The following ACOT11 variants were observed in gnomAD, a reference collection of about 807,000 sequenced individuals.
ACOT11 encodes acyl-CoA thioesterase 11.
In ACOT11, 69 loss-of-function variants were observed where a neutral mutation model predicts 77.5. The ratio of observed to expected loss-of-function variants is 0.89; its 90% CI spans 0.73 to 1.09. The LOEUF (loss-of-function observed/expected upper bound fraction) is 1.09. ACOT11 is among the 50% of genes least tolerant of loss of function. ACOT11 has a pLI of 0.00. For synonymous variants in ACOT11, 279 were observed against 313.0 expected (o/e 0.89, Z 1.15); for missense variants, 766 against 813.7 (o/e 0.94, Z 0.71).
chr1:54,551,570 C>A (rs1653067986), intron 1 of ACOT11, among the ~76,000 whole-genome samples: 1 of 152,158 alleles, frequency 6.6e-6, no homozygotes, highest in Non-Finnish European at 1.5e-5. Context: ...CCCACTGGTG[C>A]CCTCGTAGGA....
intron 6 of ACOT11, 47 bp downstream of exon 6, chr1:54,594,738 A>G (rs762359673): frequency 1.3e-6 from 2 of 1,574,498 alleles, no homozygotes; most frequent in Non-Finnish European, 1.7e-6. Context: ...GGCGTCCTGC[A>G]TGGCCCCTCT....
chr1:54,608,020 C>T lies in ACOT11; in HGVS notation c.1581C>T (p.Thr527=), dbSNP rs748553177. 8 of 1,613,508 alleles carry T rather than the reference C, an allele frequency of 5.0e-6. No homozygotes were observed. In the African/African-American group the frequency reaches 9.4e-5, roughly 19 times the overall value. ...CGCCAGAGTACAGACGCGGAGAGACCCTCTGCTCAGGCTTCTGCCTCTGGC... is the reference window on the plus strand; with the variant it reads ...CGCCAGAGTACAGACGCGGAGAGACTCTCTGCTCAGGCTTCTGCCTCTGGC... ...RETPEYRRGE[T]LCSGFCLWRE... Residue 527 remains threonine, a synonymous_variant, in exon 15 of 16, where the codon ACC becomes ACT. Coordinates refer to ENST00000343744, the MANE Select transcript of ACOT11 (RefSeq NM_147161.4).
chr1:54,597,104 G>T (rs1643896260), intron 6 of ACOT11, among the ~76,000 whole-genome samples, 155 bp from the exon 7 acceptor site: 1 of 152,118 alleles, frequency 6.6e-6, no homozygotes, highest in Non-Finnish European at 1.5e-5. Context: ...TCTCATCCAG[G>T]GCCACCCTCT....
chr1:54,593,135 A>T (rs935892035), intron 4 of ACOT11, among the ~76,000 whole-genome samples: 1 of 152,128 alleles, frequency 6.6e-6, no homozygotes, highest in African/African-American at 2.4e-5. Context: ...CCACCTATGG[A>T]CTTCAGGCCC....
chr1:54,587,210 G>A (rs577313809), intron 3 of ACOT11, among the ~76,000 whole-genome samples: 1 of 152,202 alleles, frequency 6.6e-6, no homozygotes, highest in East Asian at 1.9e-4. Context: ...GCAGTGAGAA[G>A]TTCTGTGCAA....
chr1:54,604,436 G>T lies in ACOT11; in HGVS notation c.1236+7G>T. 1 of 1,613,718 alleles carries T rather than the reference G, an allele frequency of 6.2e-7. No individual in the cohort carries two copies. The highest frequency in any genetic ancestry group is 1.1e-5 in the South Asian group (1 of 91,040). The stretch of plus-strand genomic sequence containing the variant: ...GTCCTCGGAGATCAGTCAGGTAGCT[G>T]ACCCCACCCACCCAATTTTCCTTTC... On this transcript the variant is annotated splice_region_variant and intron_variant, in intron 12 of 15. Coordinates refer to ENST00000343744, the MANE Select transcript of ACOT11 (RefSeq NM_147161.4).
Position 54,601,400 on chromosome 1 carries a change from G to A in ACOT11, c.1016G>A (p.Arg339Gln), listed in dbSNP as rs201446509. The change falls in exon 9 of 16, where the codon CGG becomes CAG. Residue 339 changes from arginine (R) to glutamine (Q), a missense_variant. Physicochemically the swap from Arg to Gln is conservative, Grantham distance 43 (BLOSUM62 1). Coordinates refer to ENST00000343744, the MANE Select transcript of ACOT11 (RefSeq NM_147161.4). The stretch of plus-strand genomic sequence containing the variant: ...CAGCCCCAGTTGCTGCCCTGGATTC[G>A]GCCCCAGCCCGGCGTAAGTGGGACC... ...DDQPQLLPWI[R>Q]PQPGDGERRY... 2.8e-5 allele frequency: 45 copies of A among 1,612,600 alleles called. 1 individual carries two copies. Among genetic ancestry groups the A allele is most frequent in the Middle Eastern group, 1.7e-4 (1 of 6,054 alleles).
In ACOT11 at chr1:54,607,754, C is replaced by T. The variant is rs1442509456; in HGVS notation, c.1503-188C>T. On this transcript the variant is annotated intron_variant, in intron 14 of 15. Coordinates refer to ENST00000343744, the MANE Select transcript of ACOT11 (RefSeq NM_147161.4). The surrounding 1 kb of genome is among the most constrained non-coding windows in gnomAD (Gnocchi z 4.5). ...TCCTGGTGAATTCAGTGCTAACCCACAGGTACCTCCTCCCTCCAGCCTGGC... is the reference window on the plus strand; with the variant it reads ...TCCTGGTGAATTCAGTGCTAACCCATAGGTACCTCCTCCCTCCAGCCTGGC... Among the ~76,000 whole-genome samples, 1 of 152,124 alleles carries T rather than the reference C, an allele frequency of 6.6e-6. No homozygotes were observed. The highest frequency in any genetic ancestry group is 1.5e-5 in the Non-Finnish European group (1 of 68,002).
At chr1:54,576,900 G>T (rs575183962) in intron 1 of ACOT11, among the ~76,000 whole-genome samples, 2 of 152,060 alleles carry the variant, frequency 1.3e-5, no homozygotes, top group African/African-American at 4.8e-5. Flanking sequence ...AGACTCTCTG[G>T]TTAAATGCCC....
At chr1:54,623,261 T>C (rs1426897253) in intron 15 of ACOT11, 1 of 1,582,756 alleles carries the variant, frequency 6.3e-7, no homozygotes, top group African/African-American at 1.4e-5. Flanking sequence ...CAGGATGACA[T>C]GGGGGGAGGC....
rs1314604045 is a variant in ACOT11, at chr1:54,630,201, T to G, written c.1630-533T>G. Among the ~76,000 whole-genome samples, 16 of 119,816 alleles carry G rather than the reference T, an allele frequency of 1.3e-4. 4 individuals are homozygous for G. The allele number at this position is 119,816 out of a possible 152,430, so 78.6% of individuals were successfully genotyped here. A position where few individuals can be genotyped will look rare whatever the true frequency, so the allele number is the denominator to read the frequency against. ...GGCGTGAGCCACTGCGCCTGGCCTG[T>G]TTAATGTTTAAAGAAATAAAAAAAA... On this transcript the variant is annotated intron_variant, in intron 15 of 16. Coordinates refer to the ACOT11 transcript ENST00000371316.
At position 54,628,213 on chromosome 1, in the gene ACOT11, A is replaced by G. The variant is rs1438497919; in HGVS notation, c.1630-2521A>G. ...CCACACTGCATTGCTTAGAACAGCA[A>G]ATGGCCCAGGGAAGTGTGTGCCTCA... is the stretch of plus-strand genomic sequence containing the variant. On this transcript the variant is annotated intron_variant, in intron 15 of 16. Transcript: ENST00000371316. The G allele has an allele frequency of 1.5e-5, 2 of 134,094 alleles. 1 individual carries two copies. The highest frequency in any genetic ancestry group is 3.4e-5 in the Non-Finnish European group (2 of 59,218). The allele number at this position is 134,094 out of a possible 1,614,324, so 8.3% of individuals were successfully genotyped here.
rs1454620321 is a variant in ACOT11, at chr1:54,607,146, A to G, written c.1383A>G (p.Leu461=). The change falls in exon 14 of 16, where the codon CTA becomes CTG. Residue 461 remains leucine (L), a synonymous_variant. Coordinates refer to ENST00000343744, the MANE Select transcript of ACOT11 (RefSeq NM_147161.4). This position sits in a 1 kb window ranked among gnomAD's most constrained non-coding sequence, Gnocchi z 4.5. ...EWDKHYRSVE[L]VQQVDEDDAI... ...GGCCTCCCCACAGGAGCGTGGAGCTAGTGCAGCAGGTAGACGAGGACGACG... is the reference window on the plus strand; with the variant it reads ...GGCCTCCCCACAGGAGCGTGGAGCTGGTGCAGCAGGTAGACGAGGACGACG... 6.2e-7 allele frequency: 1 copy of G among 1,614,118 alleles called. No homozygotes were observed. Among genetic ancestry groups the G allele is most frequent in the Non-Finnish European group, 8.5e-7 (1 of 1,180,004 alleles).
At chr1:54,576,539 C>A (rs1654122902) in intron 1 of ACOT11, among the ~76,000 whole-genome samples, 1 of 141,740 alleles carries the variant, frequency 7.1e-6, no homozygotes, top group African/African-American at 2.8e-5. Flanking sequence ...GTAAATATCT[C>A]AAAATAGAAA....
chr1:54,556,516 T>A lies in ACOT11; in HGVS notation c.33+8174T>A, dbSNP rs149005371. Among the ~76,000 whole-genome samples the A allele has an allele frequency of 7.4e-3, 1,132 of 152,296 alleles. 9 individuals carry two copies. The highest frequency in any genetic ancestry group is 0.026 in the African/African-American group (1,068 of 41,552). On this transcript the variant is annotated intron_variant, in intron 1 of 15. Coordinates refer to ENST00000343744, the MANE Select transcript of ACOT11 (RefSeq NM_147161.4). Reference sequence around the variant, plus strand: ...TTGTCACCATAATTCTTCTGATCCATGAACATGGGATCTTTTCATTTATAT... The same window carrying A: ...TTGTCACCATAATTCTTCTGATCCAAGAACATGGGATCTTTTCATTTATAT...
At chr1:54,630,661 C>A in intron 15 of ACOT11, 1 of 558,732 alleles carries the variant, frequency 1.8e-6, no homozygotes, top group South Asian at 2.5e-5. Context: ...GCTCTCAGCT[C>A]TGAAGGCTGT....
chr1:54,566,303 A>T (rs1045647357), intron 1 of ACOT11, among the ~76,000 whole-genome samples: 3 of 152,100 alleles, frequency 2.0e-5, no homozygotes, highest in African/African-American at 4.8e-5. Context: ...CTAAAAATAC[A>T]AAAATTAGCT....
chr1:54,562,913 A>G (rs1265607110), intron 1 of ACOT11, among the ~76,000 whole-genome samples: 1 of 134,118 alleles, frequency 7.5e-6, no homozygotes, highest in Non-Finnish European at 1.6e-5. Flanking sequence ...GACGCTCCTC[A>G]CTTTCCAGAG....
chr1:54,607,898 T>C lies in ACOT11; in HGVS notation c.1503-44T>C. 1 of 1,610,036 alleles carries C rather than the reference T, an allele frequency of 6.2e-7. No individual in the cohort carries two copies. The highest frequency in any genetic ancestry group is 8.5e-7 in the Non-Finnish European group (1 of 1,177,666). ...TGGGCAGAACAGGCCCCCACTTTCT[T>C]CTGTGGCTGACCCCTGTCCCCTTGC... On this transcript the variant is annotated intron_variant, in intron 14 of 15. Coordinates refer to ENST00000343744, the MANE Select transcript of ACOT11 (RefSeq NM_147161.4). The surrounding 1 kb of genome is among the most constrained non-coding windows in gnomAD (Gnocchi z 4.5).
Sources: allele counts gnomAD v4.1 joint callset (sites outside exome capture counted in the v4.1 genomes callset), GRCh38; gene constraint gnomAD v4.1.1; non-coding constraint Gnocchi (gnomAD v3.1); transcripts MANE v1.5; gene names NCBI Gene and HGNC (gene_info 2026-07-23, HGNC 2026-07-21).